MFSD6L: variants seen among roughly 807,000 people sequenced by gnomAD.
The protein encoded by MFSD6L is major facilitator superfamily domain-containing protein 6-like.
Under a neutral mutation model 6.4 loss-of-function variants are expected in MFSD6L, and 9 were observed. The observed-to-expected ratio is 1.42, with a 90% CI of 0.85 to 2.47. The LOEUF is 2.47. MFSD6L is among the 30% of genes most tolerant of loss of function. MFSD6L has a pLI of 0.00. For missense variants in MFSD6L, 747 were observed against 730.6 expected (o/e 1.02, Z -0.26); for synonymous variants, 336 against 322.4 (o/e 1.04, Z -0.45).
In MFSD6L at chr17:8,797,475, C is replaced by T. The variant is rs758716710; in HGVS notation, c.1646G>A (p.Arg549Gln). The change falls in exon 1 of 1, where the codon CGG (arginine) becomes CAG (glutamine). Residue 549 changes from arginine to glutamine, a missense_variant. Coordinates refer to ENST00000329805, the MANE Select transcript of MFSD6L (RefSeq NM_152599.4). ...LSIQRRLPRE[R>Q]KIKYSKLLSM... Reference sequence around the variant, plus strand: ...CAGCAGCTTCGAGTACTTGATTTTCCGCTCTCGGGGCAGCCTCCGCTGTAT... The same window carrying T: ...CAGCAGCTTCGAGTACTTGATTTTCTGCTCTCGGGGCAGCCTCCGCTGTAT... 4.8e-5 allele frequency: 77 copies of T among 1,614,022 alleles called. No individual in the cohort carries two copies. The highest frequency in any genetic ancestry group is 2.2e-4 in the East Asian group (10 of 44,898).
rs772720194 is a variant in MFSD6L at position 8,799,109 on chromosome 17, G to C, written c.12C>G (p.Asn4Lys). 6 of 1,559,120 alleles carry C rather than the reference G, an allele frequency of 3.8e-6. No individual in the cohort carries two copies. Among genetic ancestry groups the C allele is most frequent in the African/African-American group, 2.7e-5 (2 of 73,648 alleles). ...GCGCCCTGCTGATGTCCCACCGGGG[G>C]TTGGCACTCATGGCTGCCGGGCTCT... MSA[N>K]PRWDISRALG... The change falls in exon 1 of 1, where the codon AAC becomes AAG. Residue 4 changes from asparagine (N) to lysine (K), a missense_variant. Physicochemically the swap from Asn to Lys is moderately conservative, Grantham distance 94. Transcript: ENST00000329805. The surrounding 1 kb of genome is among the most constrained non-coding windows in gnomAD (Gnocchi z 5.3).
chr17:8,797,520 C>T lies in MFSD6L; in HGVS notation c.1601G>A (p.Trp534Ter). ...YQACCVALLL[W>*]LALLLSIQRR... ...CTGTATGGACAGGAGCAAGGCCAAC[C>T]AGAGCAACAGGGCCACACAGCAGGC... The change falls in exon 1 of 1, where the codon TGG becomes TAG. Residue 534 changes from tryptophan to a stop codon, truncating the protein, a stop_gained. Coordinates refer to ENST00000329805, the MANE Select transcript of MFSD6L (RefSeq NM_152599.4). LOFTEE classifies it high-confidence loss of function. 1 of 1,614,034 alleles carries T rather than the reference C, an allele frequency of 6.2e-7. No homozygotes were observed. The highest frequency in any genetic ancestry group is 8.5e-7 in the Non-Finnish European group (1 of 1,179,950).
Position 8,797,755 on chromosome 17 carries a change from A to C in MFSD6L, c.1366T>G (p.Ser456Ala). 1.2e-6 allele frequency: 2 copies of C among 1,614,038 alleles called. No individual in the cohort carries two copies. The highest frequency in any genetic ancestry group is 1.7e-6 in the Non-Finnish European group (2 of 1,180,020). ...LYYSFLWSWW[S>A]VLPIQILSAI... The stretch of plus-strand genomic sequence containing the variant: ...CTCAAGATCTGAATGGGGAGGACGG[A>C]CCACCAGCTCCAGAGGAAAGAGTAG... The change falls in exon 1 of 1, where the codon TCC (serine) becomes GCC (alanine). Residue 456 changes from serine (S) to alanine (A), a missense_variant. By Grantham distance (99) the Ser-to-Ala change is moderately conservative (BLOSUM62 1). Coordinates refer to ENST00000329805, the MANE Select transcript of MFSD6L (RefSeq NM_152599.4).
chr17:8,799,298 C>T lies in MFSD6L; in HGVS notation c.-178G>A, dbSNP rs2087026343. The T allele has an allele frequency of 2.2e-6, 1 of 461,720 alleles. No individual in the cohort carries two copies. Among genetic ancestry groups the T allele is most frequent in the Non-Finnish European group, 3.6e-6 (1 of 277,146 alleles). The allele number at this position is 461,720 out of a possible 1,614,324, so 28.6% of individuals were successfully genotyped here. ...GGTCAACGGCCGCCCCCGGCCACAG[C>T]CCCCAGGTCCTGCCGTTGGACCGAA... is the stretch of plus-strand genomic sequence containing the variant. On this transcript the variant is annotated 5_prime_UTR_variant, in exon 1 of 1. Coordinates refer to ENST00000329805, the MANE Select transcript of MFSD6L (RefSeq NM_152599.4). The surrounding 1 kb of genome is among the most constrained non-coding windows in gnomAD (Gnocchi z 5.3).
chr17:8,799,310 G>C lies in MFSD6L; in HGVS notation c.-190C>G, dbSNP rs2151155844. On this transcript the variant is annotated 5_prime_UTR_variant, in exon 1 of 1. Transcript: ENST00000329805. The surrounding 1 kb of genome is among the most constrained non-coding windows in gnomAD (Gnocchi z 5.3). ...CCCCCGGCCACAGCCCCCAGGTCCT[G>C]CCGTTGGACCGAAAGGGGCCCCGCC... 3 of 437,926 alleles carry C rather than the reference G, an allele frequency of 6.9e-6. No homozygotes were observed. The East Asian group carries it at 1.1e-4, about 16-fold the overall frequency. The allele number at this position is 437,926 out of a possible 1,614,324, so 27.1% of individuals were successfully genotyped here.
rs370841982 is a variant in MFSD6L at position 8,798,720 on chromosome 17, T to C, written c.401A>G (p.Gln134Arg). Residue 134 changes from glutamine (Q) to arginine (R), a missense_variant, in exon 1 of 1, where the codon CAA becomes CGA. Gln to Arg is a conservative substitution (Grantham distance 43). Coordinates refer to ENST00000329805, the MANE Select transcript of MFSD6L (RefSeq NM_152599.4). ...GGCTGGGTGGCTGGAGGCAGACTCT[T>C]GGGCCGAGGTGATGTTCACAGGTAG... ...VTLPVNITSAQESASSHPAKR... is the reference protein window; with the variant it reads ...VTLPVNITSARESASSHPAKR... 2 of 1,613,824 alleles carry C rather than the reference T, an allele frequency of 1.2e-6. No homozygotes were observed. Among genetic ancestry groups the C allele is most frequent in the Non-Finnish European group, 1.7e-6 (2 of 1,180,010 alleles).
At position 8,797,780 on chromosome 17, in the gene MFSD6L, G is replaced by C. The variant is rs774073392; in HGVS notation, c.1341C>G (p.Tyr447Ter). The change falls in exon 1 of 1, where the codon TAC becomes TAG. Residue 447 changes from tyrosine (Y) to a stop codon, truncating the protein, a stop_gained. Transcript: ENST00000329805. LOFTEE classifies it low-confidence loss of function (END_TRUNC). ...GLSCLAGQLL[Y>*]YSFLWSWWSV... ...ACCACCAGCTCCAGAGGAAAGAGTAGTACAGCAGCTGCCCAGCGAGGCAGC... is the reference window on the plus strand; with the variant it reads ...ACCACCAGCTCCAGAGGAAAGAGTACTACAGCAGCTGCCCAGCGAGGCAGC... 1.2e-6 allele frequency: 2 copies of C among 1,614,040 alleles called. No individual in the cohort carries two copies. The highest frequency in any genetic ancestry group is 1.3e-5 in the African/African-American group (1 of 75,044).
chr17:8,798,174 C>G lies in MFSD6L; in HGVS notation c.947G>C (p.Ser316Thr). The change falls in exon 1 of 1, where the codon AGT becomes ACT. Residue 316 changes from serine to threonine, a missense_variant. Transcript: ENST00000329805. ...VGQLDCFLMT[S>T]GPRGVVHFYG... ...GAAGTGGACCACACCTCGGGGGCCA[C>G]TGGTCATCAGGAAGCAGTCCAGCTG... 1 of 1,613,332 alleles carries G rather than the reference C, an allele frequency of 6.2e-7. No individual in the cohort carries two copies.
In MFSD6L at chr17:8,797,798, G is replaced by A. The variant is rs2242374; in HGVS notation, c.1323C>T (p.Leu441=). Residue 441 remains leucine, a synonymous_variant, in exon 1 of 1, where the codon CTC becomes CTT. Coordinates refer to ENST00000329805, the MANE Select transcript of MFSD6L (RefSeq NM_152599.4). The part of the protein sequence containing the change: ...TGLVGLGLSC[L]AGQLLYYSFL... ...AAGAGTAGTACAGCAGCTGCCCAGC[G>A]AGGCAGCTCAGCCCCAGCCCCACCA... is the stretch of plus-strand genomic sequence containing the variant. 183,623 of 1,613,766 alleles carry A rather than the reference G, an allele frequency of 0.11. 12,499 individuals are homozygous for A. The highest frequency in any genetic ancestry group is 0.3 in the East Asian group (13,485 of 44,866).
At position 8,798,162 on chromosome 17, in the gene MFSD6L, C is replaced by T. The variant is rs371670102; in HGVS notation, c.959G>A (p.Gly320Asp). 3.1e-5 allele frequency: 50 copies of T among 1,613,426 alleles called. No individual in the cohort carries two copies. The highest frequency in any genetic ancestry group is 3.5e-5 in the Non-Finnish European group (41 of 1,179,996). ...CGAGTACCCATAGAAGTGGACCACA[C>T]CTCGGGGGCCACTGGTCATCAGGAA... ...DCFLMTSGPR[G>D]VVHFYGYSVV... Residue 320 changes from glycine (G) to aspartate (D), a missense_variant, in exon 1 of 1, where the codon GGT becomes GAT. Physicochemically the swap from Gly to Asp is moderately conservative, Grantham distance 94. Transcript: ENST00000329805.
At position 8,798,364 on chromosome 17, in the gene MFSD6L, C is replaced by T. The variant is rs755121618; in HGVS notation, c.757G>A (p.Val253Met). 12 of 1,612,280 alleles carry T rather than the reference C, an allele frequency of 7.4e-6. No homozygotes were observed. Among genetic ancestry groups the T allele is most frequent in the Non-Finnish European group, 1.0e-5 (12 of 1,179,932 alleles). Residue 253 changes from valine (V) to methionine (M), a missense_variant, in exon 1 of 1, where the codon GTG becomes ATG. Coordinates refer to ENST00000329805, the MANE Select transcript of MFSD6L (RefSeq NM_152599.4). ...GCTGTCAGCAGCTCCCAGAACGCCA[C>T]GGACCCCAAGGAGAGGATAAAAGTC... ...RRTFILSLGSVAFWELLTAPL... is the reference protein window; with the variant it reads ...RRTFILSLGSMAFWELLTAPL...
At position 8,799,129 on chromosome 17, in the gene MFSD6L, G is replaced by A. The variant is rs767425681; in HGVS notation, c.-9C>T. On this transcript the variant is annotated 5_prime_UTR_variant, in exon 1 of 1. Coordinates refer to ENST00000329805, the MANE Select transcript of MFSD6L (RefSeq NM_152599.4). This position sits in a 1 kb window ranked among gnomAD's most constrained non-coding sequence, Gnocchi z 5.3. ...CGGGGGTTGGCACTCATGGCTGCCG[G>A]GCTCTGTCAGGCCTGGGCCGACGGA... is the stretch of plus-strand genomic sequence containing the variant. 6.5e-6 allele frequency: 10 copies of A among 1,539,146 alleles called. No individual in the cohort carries two copies. In the South Asian group the frequency reaches 1.1e-4, roughly 17 times the overall value.
At position 8,799,275 on chromosome 17, in the gene MFSD6L, T is replaced by A; in HGVS notation, c.-155A>T. On this transcript the variant is annotated 5_prime_UTR_variant, in exon 1 of 1. Transcript: ENST00000329805. The surrounding 1 kb of genome is among the most constrained non-coding windows in gnomAD (Gnocchi z 5.3). ...CTGGGGCGGCGCCGCGGTCACCAGG[T>A]CAACGGCCGCCCCCGGCCACAGCCC... The A allele has an allele frequency of 1.8e-6, 1 of 563,638 alleles. No homozygotes were observed. Among genetic ancestry groups the A allele is most frequent in the Non-Finnish European group, 2.8e-6 (1 of 359,640 alleles). The allele number at this position is 563,638 out of a possible 1,614,324, so 34.9% of individuals were successfully genotyped here.
In MFSD6L at chr17:8,798,928, C is replaced by T; in HGVS notation, c.193G>A (p.Val65Ile). 6.2e-6 allele frequency: 10 copies of T among 1,613,824 alleles called. No individual in the cohort carries two copies. The South Asian group carries it at 9.9e-5, about 16-fold the overall frequency. Residue 65 changes from valine to isoleucine, a missense_variant, in exon 1 of 1, where the codon GTC becomes ATC. Transcript: ENST00000329805. ...KHLIAAFWAPVCAFLAKSYRK... is the reference protein window; with the variant it reads ...KHLIAAFWAPICAFLAKSYRK... ...TAGCTTTTGGCCAGGAAGGCACAGA[C>T]GGGAGCCCAGAAGGCAGCGATTAGG...
Position 8,799,181 on chromosome 17 carries a change from C to A in MFSD6L, c.-61G>T. On this transcript the variant is annotated 5_prime_UTR_variant, in exon 1 of 1. Transcript: ENST00000329805. The surrounding 1 kb of genome is among the most constrained non-coding windows in gnomAD (Gnocchi z 5.3). ...GGCGGAGCTGGGCGCAGGGCGGGCG[C>A]GGCCCCAGGTACCCGGGAGGGAGGC... The A allele has an allele frequency of 1.4e-6, 2 of 1,441,134 alleles. No individual in the cohort carries two copies. Among genetic ancestry groups the A allele is most frequent in the South Asian group, 2.8e-5 (2 of 71,146 alleles). 89.3% of individuals were successfully genotyped at this position (1,441,134 alleles called of 1,614,324 possible). A position where few individuals can be genotyped will look rare whatever the true frequency, so the allele number is the denominator to read the frequency against.
chr17:8,799,072 T>C lies in MFSD6L; in HGVS notation c.49A>G (p.Lys17Glu). The C allele has an allele frequency of 4.4e-6, 7 of 1,599,700 alleles. No individual in the cohort carries two copies. Among genetic ancestry groups the C allele is most frequent in the Non-Finnish European group, 6.0e-6 (7 of 1,172,936 alleles). The change falls in exon 1 of 1, where the codon AAG becomes GAG. Residue 17 changes from lysine (K) to glutamate (E), a missense_variant. Lys to Glu is a moderately conservative substitution (Grantham distance 56, BLOSUM62 1). Coordinates refer to ENST00000329805, the MANE Select transcript of MFSD6L (RefSeq NM_152599.4). The surrounding 1 kb of genome is among the most constrained non-coding windows in gnomAD (Gnocchi z 5.3). The stretch of plus-strand genomic sequence containing the variant: ...ACCCCGCACACCAGGTGGAAGAGCT[T>C]GGCCACCCCCAGCGCCCTGCTGATG... ...WDISRALGVA[K>E]LFHLVCGVRE...
At position 8,798,270 on chromosome 17, in the gene MFSD6L, T is replaced by C. The variant is rs770575318; in HGVS notation, c.851A>G (p.Tyr284Cys). Residue 284 changes from tyrosine to cysteine, a missense_variant, in exon 1 of 1, where the codon TAC (tyrosine) becomes TGC (cysteine). Physicochemically the swap from Tyr to Cys is radical, Grantham distance 194. Coordinates refer to ENST00000329805, the MANE Select transcript of MFSD6L (RefSeq NM_152599.4). ...FLDFVDATDR[Y>C]RSLWVWRLLG... ...CAACCTCCAGACCCACAGGCTTCTGTATCGGTCAGTGGCATCCACAAAATC... is the reference window on the plus strand; with the variant it reads ...CAACCTCCAGACCCACAGGCTTCTGCATCGGTCAGTGGCATCCACAAAATC... 3.7e-6 allele frequency: 6 copies of C among 1,607,970 alleles called. No individual in the cohort carries two copies. The South Asian group carries it at 6.6e-5, about 18-fold the overall frequency.
In MFSD6L at chr17:8,797,910, C is replaced by A; in HGVS notation, c.1211G>T (p.Gly404Val). ...CAGCAAGCTGAGGGCGACCGAGAAA[C>A]CCATGACCAGCTCGCCGCTCCCATG... ...KDHGSGELVM[G>V]FSVALSLLGE... Residue 404 changes from glycine to valine, a missense_variant, in exon 1 of 1, where the codon GGT becomes GTT. Transcript: ENST00000329805. 6.2e-7 allele frequency: 1 copy of A among 1,614,056 alleles called. No individual in the cohort carries two copies. The highest frequency in any genetic ancestry group is 8.5e-7 in the Non-Finnish European group (1 of 1,180,030).
At position 8,798,283 on chromosome 17, in the gene MFSD6L, C is replaced by T. The variant is rs759133684; in HGVS notation, c.838G>A (p.Ala280Thr). The T allele has an allele frequency of 1.9e-6, 3 of 1,607,866 alleles. No individual in the cohort carries two copies. In the East Asian group the frequency reaches 6.7e-5, roughly 36 times the overall value. The change falls in exon 1 of 1, where the codon GCC (alanine) becomes ACC (threonine). Residue 280 changes from alanine to threonine, a missense_variant. Ala to Thr is a moderately conservative substitution (Grantham distance 58). Transcript: ENST00000329805. The part of the protein sequence containing the change: ...SLYEFLDFVD[A>T]TDRYRSLWVW... ...CACAGGCTTCTGTATCGGTCAGTGG[C>T]ATCCACAAAATCCAGGAACTCATAA...
Sources: gnomAD v4.1 joint callset for allele counts on GRCh38, gnomAD v4.1.1 for gene constraint, Gnocchi (gnomAD v3.1) non-coding constraint, MANE v1.5 for transcripts, NCBI Gene and HGNC (gene_info 2026-07-23, HGNC 2026-07-21) for gene names.